SND1: variants seen among roughly 807,000 people sequenced by gnomAD.
SND1 encodes staphylococcal nuclease domain-containing protein 1.
A neutral mutation model predicts 121.7 loss-of-function variants in SND1; 38 were observed. The observed-to-expected ratio is 0.31, with a 90% CI of 0.24 to 0.41. The LOEUF is 0.41. Among genes scored for constraint, SND1 ranks in the 10% least tolerant of loss-of-function variants. SND1 has a pLI of 1.00. For missense variants in SND1, 868 were observed against 1,184.6 expected (o/e 0.73, Z 3.92); for synonymous variants, 401 against 447.4 (o/e 0.90, Z 1.31).
chr7:127,920,677 C>T (rs1800684174), intron 14 of SND1, among the ~76,000 whole-genome samples: 1 of 152,064 alleles, frequency 6.6e-6, no homozygotes, highest in South Asian at 2.1e-4. Context: ...CACCTGGCAC[C>T]TTTGGCACTG....
chr7:127,798,175 C>T (rs1371798149), intron 10 of SND1, among the ~76,000 whole-genome samples: 4 of 152,106 alleles, frequency 2.6e-5, no homozygotes, highest in Admixed American at 6.5e-5. Flanking sequence ...GACATGAGGC[C>T]GCCTAAATTT....
chr7:127,697,406 T>C (rs1460433002), intron 3 of SND1, among the ~76,000 whole-genome samples: 2 of 152,224 alleles, frequency 1.3e-5, no homozygotes, highest in African/African-American at 4.8e-5. Context: ...ATGTCTGACT[T>C]ATCGGGTGTG....
chr7:128,063,707 C>G (rs1178594121), intron 16 of SND1, among the ~76,000 whole-genome samples: 2 of 152,208 alleles, frequency 1.3e-5, no homozygotes, highest in Admixed American at 6.5e-5. Context: ...AGAACAAGCC[C>G]TACCCAGATA....
At chr7:127,923,798 C>G (rs1237893866) in intron 14 of SND1, among the ~76,000 whole-genome samples, 1 of 151,824 alleles carries the variant, frequency 6.6e-6, no homozygotes, top group Non-Finnish European at 1.5e-5. Flanking sequence ...AGTGAATGAT[C>G]ACCATACACC....
chr7:127,851,445 A>G (rs781374226), intron 12 of SND1, among the ~76,000 whole-genome samples: 2 of 152,124 alleles, frequency 1.3e-5, no homozygotes, highest in Non-Finnish European at 2.9e-5. Context: ...TTTCTTCTAT[A>G]TTCAAGGAGA....
intron 11 of SND1, among the ~76,000 whole-genome samples, chr7:127,826,889 C>T (rs1488970586): frequency 6.6e-6 from 1 of 152,186 alleles, no homozygotes. Context: ...TTGTGGACCA[C>T]CCTCTTAGCC....
intron 10 of SND1, among the ~76,000 whole-genome samples, chr7:127,797,984 C>G (rs1348937476): frequency 6.6e-6 from 1 of 152,182 alleles, no homozygotes; most frequent in African/African-American, 2.4e-5. Flanking sequence ...CAATAAATAG[C>G]AAGTGCTTCT....
intron 11 of SND1, among the ~76,000 whole-genome samples, chr7:127,822,409 C>A (rs748882727): frequency 1.1e-4 from 17 of 152,136 alleles, no homozygotes; most frequent in Non-Finnish European, 2.4e-4. Context: ...AAATTTTAGT[C>A]TAGTTTTCTC....
At chr7:128,022,232 G>A (rs1384972511) in intron 16 of SND1, among the ~76,000 whole-genome samples, 1 of 149,616 alleles carries the variant, frequency 6.7e-6, no homozygotes, top group Non-Finnish European at 1.5e-5. Context: ...AAAAAAGAAG[G>A]TAGGAGGGTA....
At chr7:127,714,728 A>G (rs1037617594) in intron 9 of SND1, among the ~76,000 whole-genome samples, 18 of 152,360 alleles carry the variant, frequency 1.2e-4, no homozygotes, top group African/African-American at 3.6e-4. Context: ...AGTAATTCAT[A>G]TAAGTGAAAT....
chr7:127,883,209 T>G (rs1799828234), intron 12 of SND1, among the ~76,000 whole-genome samples: 1 of 152,138 alleles, frequency 6.6e-6, no homozygotes, highest in African/African-American at 2.4e-5. Context: ...AAGCTCAAAC[T>G]TAGCCACTAT....
At chr7:127,707,766 AGTGTGTGTGTGTGTGTGTGT>A (rs35627839) in intron 9 of SND1, 119 bp downstream of exon 9, 16 of 408,976 alleles carry the variant, frequency 3.9e-5, no homozygotes, top group African/African-American at 1.1e-4. Flanking sequence ...AGCCAGTAGG[AGTGTGTGTGTGTGTGTGTGT>A]GTGTGTGTGT....
At chr7:128,075,019 C>T (rs1793483702) in intron 17 of SND1, among the ~76,000 whole-genome samples, 1 of 152,238 alleles carries the variant, frequency 6.6e-6, no homozygotes, top group Non-Finnish European at 1.5e-5. Flanking sequence ...CCGGGGCGCC[C>T]CTCCCTCCCC....
chr7:127,795,590 G>T (rs897273158), intron 10 of SND1, among the ~76,000 whole-genome samples: 1 of 152,104 alleles, frequency 6.6e-6, no homozygotes. Flanking sequence ...TAGACTGAGG[G>T]TGTGTTTTTT....
chr7:127,775,834 TAAGAC>T (rs1464129121), intron 10 of SND1, among the ~76,000 whole-genome samples: 4 of 152,112 alleles, frequency 2.6e-5, no homozygotes, highest in African/African-American at 4.8e-5. Context: ...CAAAATGGAC[TAAGAC>T]AACTTAGAAG....
intron 4 of SND1, among the ~76,000 whole-genome samples, chr7:127,700,858 A>G (rs1161898191): frequency 6.6e-6 from 1 of 152,238 alleles, no homozygotes; most frequent in East Asian, 1.9e-4. Flanking sequence ...CACCTGGAGC[A>G]ACTCTGAGCC....
chr7:127,757,532 C>T (rs1797219834), intron 10 of SND1, among the ~76,000 whole-genome samples: 1 of 152,162 alleles, frequency 6.6e-6, no homozygotes, highest in Admixed American at 6.5e-5. Flanking sequence ...AAAGTTGTTC[C>T]ACATCCATGC....
chr7:127,928,205 C>T (rs762055010), intron 14 of SND1: 1 of 152,148 alleles, frequency 6.6e-6, no homozygotes, highest in Non-Finnish European at 1.5e-5. Context: ...ACTGCTATTC[C>T]GTTTTATGTG....
chr7:127,764,382 C>T (rs144446238), intron 10 of SND1, among the ~76,000 whole-genome samples: 1 of 152,102 alleles, frequency 6.6e-6, no homozygotes, highest in African/African-American at 2.4e-5. Context: ...TGTGTGAATG[C>T]GAAGTATTTT....
Sources: gnomAD v4.1 joint callset for allele counts (sites outside exome capture counted in the v4.1 genomes callset) on GRCh38, gnomAD v4.1.1 for gene constraint, MANE v1.5 for transcripts, NCBI Gene and HGNC (gene_info 2026-07-23, HGNC 2026-07-21) for gene names.